Variants in NLRP11 observed in about 807,000 individuals in gnomAD.
The protein encoded by NLRP11 is NACHT, LRR and PYD domains-containing protein 11.
NLRP11 carries 53 observed loss-of-function variants against 79.3 expected under a neutral mutation model. The observed-to-expected ratio is 0.67, with a 90% CI of 0.54 to 0.84. The LOEUF is 0.84. Among genes scored for constraint, NLRP11 ranks in the 40% least tolerant of loss-of-function variants. The probability of loss-of-function intolerance (pLI) is 0.00; values close to 1 mark genes in which losing one functional copy is unlikely to be tolerated. For missense variants in NLRP11, 1,264 were observed against 1,255.0 expected (o/e 1.01, Z -0.11); for synonymous variants, 518 against 462.6 (o/e 1.12, Z -1.54).
chr19:55,832,693 A>G (rs1417544112), upstream of NLRP11: 1 of 152,254 alleles, frequency 6.6e-6, no homozygotes, highest in African/African-American at 2.4e-5. Context: ...AAAAGAGTCT[A>G]TATCTATTCA....
upstream of NLRP11, among the ~76,000 whole-genome samples, chr19:55,833,915 C>T (rs1026596375): frequency 4.0e-5 from 6 of 149,868 alleles, no homozygotes; most frequent in African/African-American, 1.5e-4. Flanking sequence ...GTGAACTATT[C>T]ATTAAATGGA....
chr19:55,805,344 A>G (rs1331137841), intron 4 of NLRP11, among the ~76,000 whole-genome samples: 1 of 152,042 alleles, frequency 6.6e-6, no homozygotes, highest in Non-Finnish European at 1.5e-5. Context: ...TGGCAAATCC[A>G]GGCATAGAAC....
At chr19:55,789,861 A>G (rs2122710919) in intron 7 of NLRP11, among the ~76,000 whole-genome samples, 1 of 152,322 alleles carries the variant, frequency 6.6e-6, no homozygotes, top group East Asian at 1.9e-4. Context: ...CCTTTCTCAA[A>G]GCAAGCAACG....
intron 2 of NLRP11, among the ~76,000 whole-genome samples, chr19:55,813,894 C>A (rs1980840042): frequency 6.6e-6 from 1 of 152,094 alleles, no homozygotes; most frequent in African/African-American, 2.4e-5. Context: ...TTCACTTCCC[C>A]CTCATTGAAA....
At chr19:55,797,924 G>A (rs376068997) in intron 5 of NLRP11, among the ~76,000 whole-genome samples, 5 of 151,980 alleles carry the variant, frequency 3.3e-5, no homozygotes, top group African/African-American at 7.2e-5. Context: ...GCCGCAGCAC[G>A]GTACATAAAC....
At chr19:55,820,195 T>A (rs1981549768) in intron 1 of NLRP11, among the ~76,000 whole-genome samples, 1 of 152,126 alleles carries the variant, frequency 6.6e-6, no homozygotes, top group African/African-American at 2.4e-5. Flanking sequence ...AAAGGAGCCT[T>A]TAAATGCATG....
chr19:55,805,213 G>A (rs944487900), intron 4 of NLRP11, among the ~76,000 whole-genome samples: 1 of 152,016 alleles, frequency 6.6e-6, no homozygotes, highest in Non-Finnish European at 1.5e-5. Context: ...CAACAGCTTT[G>A]GTCATTGTCT....
intron 1 of NLRP11, among the ~76,000 whole-genome samples, chr19:55,822,205 T>C (rs1165916533): frequency 6.6e-6 from 1 of 152,164 alleles, no homozygotes; most frequent in Non-Finnish European, 1.5e-5. Flanking sequence ...CAGAGATTGC[T>C]GTGAGCTGAG....
intron 5 of NLRP11, 50 bp downstream of exon 5, chr19:55,801,522 C>T (rs1313696227): frequency 1.3e-6 from 2 of 1,514,706 alleles, no homozygotes; most frequent in African/African-American, 2.7e-5. Flanking sequence ...CCACCAACAC[C>T]CAGGCATTCC....
chr19:55,785,981 T>G (rs1989856860), intron 9 of NLRP11, 110 bp from the exon 10 acceptor site: 1 of 1,151,562 alleles, frequency 8.7e-7, no homozygotes, highest in Non-Finnish European at 1.2e-6. Context: ...CTTGGGAGTA[T>G]CTCAAGCCAT....
At chr19:55,819,931 G>C (rs1478274729) in intron 1 of NLRP11, among the ~76,000 whole-genome samples, 1 of 152,118 alleles carries the variant, frequency 6.6e-6, no homozygotes, top group Non-Finnish European at 1.5e-5. Flanking sequence ...AGAAGATAGA[G>C]CCACTGGGTT....
intron 4 of NLRP11, among the ~76,000 whole-genome samples, chr19:55,802,633 G>A (rs1427845675): frequency 1.3e-5 from 2 of 152,114 alleles, no homozygotes; most frequent in African/African-American, 4.8e-5. Flanking sequence ...AATTACCAAT[G>A]GCATTCTTCA....
In NLRP11 at chr19:55,809,609, C is replaced by T. The variant is rs778626744; in HGVS notation, c.1001G>A (p.Gly334Asp). 8.1e-6 allele frequency: 13 copies of T among 1,614,080 alleles called. No individual in the cohort carries two copies. Among genetic ancestry groups the T allele is most frequent in the African/African-American group, 1.3e-5 (1 of 74,936 alleles). ...GCATAAGATGGCGACTCGGCACAGA[C>T]CCACGAGTATTTCATCCTCATGTAC... Residue 334 changes from glycine (G) to aspartate (D), a missense_variant, in exon 3 of 10, where the codon GGT becomes GAT. Transcript: ENST00000589093. This position sits in a 1 kb window ranked among gnomAD's most constrained non-coding sequence, Gnocchi z 4.5.
At chr19:55,805,683 T>G (rs1329811921) in intron 4 of NLRP11, among the ~76,000 whole-genome samples, 1 of 151,880 alleles carries the variant, frequency 6.6e-6, no homozygotes, top group Non-Finnish European at 1.5e-5. Context: ...GGGATTACAG[T>G]TGCATGCCGC....
chr19:55,797,214 A>G (rs1322568121), intron 5 of NLRP11, among the ~76,000 whole-genome samples: 1 of 152,146 alleles, frequency 6.6e-6, no homozygotes, highest in Non-Finnish European at 1.5e-5. Flanking sequence ...TGGGCGGATC[A>G]CTTGAACTCA....
intron 1 of NLRP11, among the ~76,000 whole-genome samples, chr19:55,822,765 C>T (rs1981894422): frequency 1.3e-5 from 2 of 152,084 alleles, no homozygotes; most frequent in African/African-American, 4.8e-5. Flanking sequence ...GGGTCCTATG[C>T]CCACGGAGTC....
chr19:55,831,491 G>T (rs1982783744), intron 1 of NLRP11, among the ~76,000 whole-genome samples: 1 of 152,104 alleles, frequency 6.6e-6, no homozygotes, highest in African/African-American at 2.4e-5. Flanking sequence ...GAACCCAGGA[G>T]ACAGAGGTTG....
chr19:55,801,129 A>C (rs956502213), intron 5 of NLRP11: 1 of 154,740 alleles, frequency 6.5e-6, no homozygotes, highest in Non-Finnish European at 1.4e-5. Flanking sequence ...CGGTGAGCTG[A>C]GACTGTGCCA....
At chr19:55,831,098 C>CTGCT (rs1196388568) in intron 1 of NLRP11, among the ~76,000 whole-genome samples, 1 of 118,356 alleles carries the variant, frequency 8.4e-6, no homozygotes, top group Middle Eastern at 4.0e-3. Context: ...ACCCACCGCC[C>CTGCT]CACCCCCCCC....
Sources: gnomAD v4.1 joint callset for allele counts (sites outside exome capture counted in the v4.1 genomes callset) on GRCh38, gnomAD v4.1.1 for gene constraint, Gnocchi (gnomAD v3.1) non-coding constraint, MANE v1.5 for transcripts, NCBI Gene and HGNC (gene_info 2026-07-23, HGNC 2026-07-21) for gene names.